The following MIF4GD variants were observed in gnomAD, a reference collection of about 807,000 sequenced individuals.
MIF4GD encodes the protein MIF4G domain containing.
A neutral mutation model predicts 26.7 loss-of-function variants in MIF4GD; 22 were observed. The ratio of observed to expected loss-of-function variants is 0.82; its 90% confidence interval spans 0.59 to 1.18. The LOEUF (loss-of-function observed/expected upper bound fraction) is 1.18, where lower values mean the gene tolerates loss of function less well. Ranked by LOEUF, MIF4GD falls within the 50% of genes most tolerant of loss-of-function variation. MIF4GD has a pLI of 0.00. For synonymous variants in MIF4GD, 137 were observed against 111.6 expected (o/e 1.23, Z -1.43); for missense variants, 262 against 279.6 (o/e 0.94, Z 0.45).
intron 2 of MIF4GD, chr17:75,269,605 G>C (rs987933047): frequency 6.7e-6 from 6 of 894,560 alleles, no homozygotes; most frequent in Non-Finnish European, 9.7e-6. Flanking sequence ...CTGTAGCCAG[G>C]CTGGAGTGCA....
chr17:75,269,609 G>C, intron 2 of MIF4GD: 1 of 868,126 alleles, frequency 1.2e-6, no homozygotes. Flanking sequence ...AGCCAGGCTG[G>C]AGTGCAGTGG....
rs1467306209 is a variant in MIF4GD, at chr17:75,271,018, G to A, written c.-51+126C>T. On this transcript the variant is annotated intron_variant, in intron 1 of 5. Coordinates refer to ENST00000325102, the MANE Select transcript of MIF4GD (RefSeq NM_001370592.1). The surrounding 1 kb of genome is among the most constrained non-coding windows in gnomAD (Gnocchi z 4.2). ...CCTCTGGCCGTAGGAGGCGCCTTTA[G>A]GGTCTCCAGCCCTCGGCCGTTCCCC... The A allele has an allele frequency of 6.6e-6, 1 of 152,102 alleles. No homozygotes were observed. Among genetic ancestry groups the A allele is most frequent in the Admixed American group, 6.5e-5 (1 of 15,280 alleles). 9.4% of individuals were successfully genotyped at this position (152,102 alleles called of 1,614,324 possible). A position where few individuals can be genotyped will look rare whatever the true frequency, so the allele number is the denominator to read the frequency against.
In MIF4GD at chr17:75,266,906, T is replaced by C; in HGVS notation, c.503A>G (p.Gln168Arg). 1.9e-6 allele frequency: 3 copies of C among 1,614,192 alleles called. No homozygotes were observed. Among genetic ancestry groups the C allele is most frequent in the Non-Finnish European group, 1.7e-6 (2 of 1,180,024 alleles). ...CAGCACAAAGAGCTCATCCATGCGC[T>C]GCCCATTCATTTTCTCCAGCTGCTC... Reference protein sequence around the residue: ...VGEQLEKMNGQRMDELFVLIR... With the variant: ...VGEQLEKMNGRRMDELFVLIR... Residue 168 changes from glutamine to arginine, a missense_variant, in exon 6 of 6, where the codon CAG (glutamine) becomes CGG (arginine). Gln to Arg is a conservative substitution (Grantham distance 43). Transcript: ENST00000325102.
At chr17:75,269,288 T>C in intron 2 of MIF4GD, 1 of 1,600,278 alleles carries the variant, frequency 6.2e-7, no homozygotes, top group Non-Finnish European at 8.5e-7. Context: ...ACATAGGGCC[T>C]CCCAACAGGC....
chr17:75,267,753 T>C lies in MIF4GD; in HGVS notation c.341A>G (p.Tyr114Cys). Residue 114 changes from tyrosine to cysteine, a missense_variant, in exon 4 of 6, where the codon TAC becomes TGC. Transcript: ENST00000325102. ...TGGCTGCCGGGGCCTCACCCTCAGG[T>C]AGTCAAAGATGTTGCAGATAAAGGT... The part of the protein sequence containing the change: ...YVTFICNIFD[Y>C]LRVNNMPMMA... 6.2e-7 allele frequency: 1 copy of C among 1,613,222 alleles called. No individual in the cohort carries two copies. Among genetic ancestry groups the C allele is most frequent in the Non-Finnish European group, 8.5e-7 (1 of 1,179,480 alleles).
chr17:75,269,580 A>C, intron 2 of MIF4GD: 1 of 609,638 alleles, frequency 1.6e-6, no homozygotes, highest in Non-Finnish European at 2.3e-6. Context: ...TTTTTTTTTG[A>C]GACAGGGTCT....
chr17:75,268,735 T>G (rs1439430791), intron 2 of MIF4GD, among the ~76,000 whole-genome samples: 1 of 150,690 alleles, frequency 6.6e-6, no homozygotes, highest in African/African-American at 2.4e-5. Flanking sequence ...TGGTGGCTCA[T>G]GCCTGTAATC....
At chr17:75,269,999 C>G in intron 2 of MIF4GD, 115 bp downstream of exon 2, 1 of 839,550 alleles carries the variant, frequency 1.2e-6, no homozygotes, top group East Asian at 2.4e-5. Flanking sequence ...CGACTCCTAT[C>G]GTCAGAGAAT....
At position 75,266,261 on chromosome 17, in the gene MIF4GD, T is replaced by A. The variant is rs2077481923; in HGVS notation, c.*479A>T. 2.6e-6 allele frequency: 1 copy of A among 385,996 alleles called. No homozygotes were observed. Among genetic ancestry groups the A allele is most frequent in the Admixed American group, 4.2e-5 (1 of 23,816 alleles). 23.9% of individuals were successfully genotyped at this position (385,996 alleles called of 1,614,324 possible). A position where few individuals can be genotyped will look rare whatever the true frequency, so the allele number is the denominator to read the frequency against. ...TCAGAAAAGATTTATTAGAAAATTC[T>A]CACGCTGAACTGGTGTAGCATGTGG... On this transcript the variant is annotated 3_prime_UTR_variant, in exon 6 of 6. Transcript: ENST00000325102.
chr17:75,267,389 T>C (rs2077530645), intron 5 of MIF4GD, 149 bp downstream of exon 5: 1 of 738,226 alleles, frequency 1.4e-6, no homozygotes, highest in Admixed American at 2.7e-5. Flanking sequence ...GCTTGTCCTA[T>C]AACTGACAGG....
intron 2 of MIF4GD, chr17:75,269,427 T>A (rs758536877): frequency 6.2e-7 from 1 of 1,613,948 alleles, no homozygotes; most frequent in Non-Finnish European, 8.5e-7. Context: ...ATATTCTCCA[T>A]CTTCTGTCTC....
intron 2 of MIF4GD, 104 bp from the exon 3 acceptor site, chr17:75,268,296 T>G (rs1211142207): frequency 4.7e-6 from 4 of 854,260 alleles, no homozygotes; most frequent in African/African-American, 1.7e-5. Context: ...ACTCATATGC[T>G]TGAAGTGAAA....
Position 75,270,521 on chromosome 17 carries a change from G to A in MIF4GD, c.-50-276C>T. 9.4e-6 allele frequency: 3 copies of A among 318,950 alleles called. No homozygotes were observed. The highest frequency in any genetic ancestry group is 1.8e-5 in the Non-Finnish European group (3 of 165,306). 19.8% of individuals were successfully genotyped at this position (318,950 alleles called of 1,614,324 possible). A position where few individuals can be genotyped will look rare whatever the true frequency, so the allele number is the denominator to read the frequency against. On this transcript the variant is annotated intron_variant, in intron 1 of 5. Transcript: ENST00000325102. This position sits in a 1 kb window ranked among gnomAD's most constrained non-coding sequence, Gnocchi z 5.7. ...AAGCGCCCACCCTCCAGTCCCAGCA[G>A]GAGGCAGGAGTAGACTGGGGCAGGG...
Position 75,267,601 on chromosome 17 carries a change from C to G in MIF4GD, c.378G>C (p.Val126=). The change falls in exon 5 of 6, where the codon GTG becomes GTC. Residue 126 remains valine, a synonymous_variant. Coordinates refer to ENST00000325102, the MANE Select transcript of MIF4GD (RefSeq NM_001370592.1). ...GGAAGAGGCAGTCATAGACAGGGTT[C>G]ACCAGGGCCATCATGGGCATGTTGT... is the stretch of plus-strand genomic sequence containing the variant. ...RVNNMPMMAL[V]NPVYDCLFRL... 6.2e-7 allele frequency: 1 copy of G among 1,614,238 alleles called. No homozygotes were observed. The highest frequency in any genetic ancestry group is 1.1e-5 in the South Asian group (1 of 91,090).
chr17:75,267,702 A>T (rs2077548522), intron 4 of MIF4GD, 44 bp downstream of exon 4: 1 of 1,612,300 alleles, frequency 6.2e-7, no homozygotes, highest in African/African-American at 1.3e-5. Context: ...GGGCCTCAGG[A>T]AACAGGCCAT....
In MIF4GD at chr17:75,267,595, A is replaced by G. The variant is rs201156383; in HGVS notation, c.384T>C (p.Pro128=). 5 of 1,614,218 alleles carry G rather than the reference A, an allele frequency of 3.1e-6. No homozygotes were observed. The East Asian group carries it at 6.7e-5, about 22-fold the overall frequency. The part of the protein sequence containing the change: ...NNMPMMALVN[P]VYDCLFRLAQ... ...CCAGCCGGAAGAGGCAGTCATAGAC[A>G]GGGTTCACCAGGGCCATCATGGGCA... The change falls in exon 5 of 6, where the codon CCT becomes CCC. Residue 128 remains proline, a synonymous_variant. Coordinates refer to ENST00000325102, the MANE Select transcript of MIF4GD (RefSeq NM_001370592.1).
chr17:75,267,594 CAG>C lies in MIF4GD; in HGVS notation c.383_384del (p.Pro128ArgfsTer3), dbSNP rs1310036215. The C allele has an allele frequency of 6.2e-7, 1 of 1,614,028 alleles. No individual in the cohort carries two copies. The highest frequency in any genetic ancestry group is 2.2e-5 in the East Asian group (1 of 44,896). ...GCCAGCCGGAAGAGGCAGTCATAGA[CAG>C]GGTTCACCAGGGCCATCATGGGCAT... The part of the protein sequence containing the change: ...NNMPMMALVN[P>X]VYDCLFRLAQ... On this transcript the variant is annotated frameshift_variant, in exon 5 of 6. Coordinates refer to ENST00000325102, the MANE Select transcript of MIF4GD (RefSeq NM_001370592.1). LOFTEE classifies it high-confidence loss of function.
At chr17:75,268,447 T>C (rs1266566031) in intron 2 of MIF4GD, among the ~76,000 whole-genome samples, 1 of 152,066 alleles carries the variant, frequency 6.6e-6, no homozygotes, top group Non-Finnish European at 1.5e-5. Context: ...TTGGATCACC[T>C]GGGGTCAGGA....
chr17:75,270,349 C>A lies in MIF4GD; in HGVS notation c.-50-104G>T. 6 of 650,266 alleles carry A rather than the reference C, an allele frequency of 9.2e-6. No individual in the cohort carries two copies. The highest frequency in any genetic ancestry group is 1.4e-5 in the Non-Finnish European group (5 of 368,446). 40.3% of individuals were successfully genotyped at this position (650,266 alleles called of 1,614,324 possible). A position where few individuals can be genotyped will look rare whatever the true frequency, so the allele number is the denominator to read the frequency against. ...TGACGGCGCGCTCGGGACAGGGACT[C>A]CTGGGCGGTCCGTGGCGTGCGGTGG... On this transcript the variant is annotated intron_variant, in intron 1 of 5. Transcript: ENST00000325102. This position sits in a 1 kb window ranked among gnomAD's most constrained non-coding sequence, Gnocchi z 5.7.
Sources: allele counts gnomAD v4.1 joint callset (sites outside exome capture counted in the v4.1 genomes callset), GRCh38; gene constraint gnomAD v4.1.1; non-coding constraint Gnocchi (gnomAD v3.1); transcripts MANE v1.5; gene names NCBI Gene and HGNC (gene_info 2026-07-23, HGNC 2026-07-21).